The following UFL1 variants were observed in gnomAD, a reference collection of about 807,000 sequenced individuals.
UFL1 encodes UFM1 specific ligase 1.
In UFL1, 78 loss-of-function variants were observed where a neutral mutation model predicts 99.3. That is an observed-to-expected ratio of 0.79 (90% confidence interval 0.65 to 0.95). UFL1 has a LOEUF of 0.95. Among genes scored for constraint, UFL1 ranks in the 40% least tolerant of loss-of-function variants. The pLI, the probability that UFL1 is intolerant of heterozygous loss-of-function variation, is 0.00. For synonymous variants in UFL1, 335 were observed against 322.2 expected, an observed-to-expected ratio of 1.04 and a Z score of -0.42; for missense variants, 936 against 937.0, an observed-to-expected ratio of 1.00 and a Z score of 0.01.
Position 96,531,558 on chromosome 6 carries a change from C to G in UFL1, c.597-2705C>G, listed in dbSNP as rs996441635. On this transcript the variant is annotated intron_variant, in intron 6 of 18. Transcript: ENST00000369278. Reference sequence around the variant, plus strand: ...CTCTGACAGTCTGTGCCACATCACCCTCCTAACACAAGAAATGGGTGGTTG... The same window carrying G: ...CTCTGACAGTCTGTGCCACATCACCGTCCTAACACAAGAAATGGGTGGTTG... 1.2e-4 allele frequency among the ~76,000 whole-genome samples: 18 copies of G among 152,282 alleles called. 1 individual carries two copies. The highest frequency in any genetic ancestry group is 4.3e-4 in the African/African-American group (18 of 41,562).
intron 1 of UFL1, 75 bp downstream of exon 1, chr6:96,522,025 A>G: frequency 6.7e-7 from 1 of 1,486,028 alleles, no homozygotes. Context: ...GGGACTTTAG[A>G]CCCGCGGCCC....
At chr6:96,534,709 GAGC>G (rs1347548622) in intron 7 of UFL1, among the ~76,000 whole-genome samples, 3 of 151,698 alleles carry the variant, frequency 2.0e-5, no homozygotes, top group Non-Finnish European at 4.4e-5. Context: ...TTTTTACCAA[GAGC>G]TGATAGCAAT....
intron 11 of UFL1, among the ~76,000 whole-genome samples, chr6:96,542,613 GA>G (rs914798322): frequency 6.6e-6 from 1 of 151,110 alleles, no homozygotes; most frequent in African/African-American, 2.4e-5. Flanking sequence ...AGAGTTACAG[GA>G]AAGAGGTGAC....
intron 10 of UFL1, among the ~76,000 whole-genome samples, chr6:96,539,830 CA>C (rs1358616913): frequency 4.0e-5 from 6 of 151,492 alleles, no homozygotes; most frequent in African/African-American, 1.4e-4. Context: ...CCTCTAACCA[CA>C]AAAATAAATT....
In UFL1 at chr6:96,555,202, T is replaced by A. The variant is rs2127954479; in HGVS notation, c.*1699T>A. 1 of 152,242 alleles carries A rather than the reference T, an allele frequency of 6.6e-6. No homozygotes were observed. The allele number at this position is 152,242 out of a possible 1,614,324, so 9.4% of individuals were successfully genotyped here. A position where few individuals can be genotyped will look rare whatever the true frequency, so the allele number is the denominator to read the frequency against. ...AAAGATTAATTTCCATAATAAAAAT[T>A]ATTGTATGTTTACTGTGATCTTAAT... On this transcript the variant is annotated 3_prime_UTR_variant, in exon 19 of 19. Coordinates refer to ENST00000369278, the MANE Select transcript of UFL1 (RefSeq NM_015323.5).
At chr6:96,534,738 T>G (rs1253560506) in intron 7 of UFL1, among the ~76,000 whole-genome samples, 4 of 151,912 alleles carry the variant, frequency 2.6e-5, no homozygotes, top group Non-Finnish European at 5.9e-5. Flanking sequence ...TATATTCTTA[T>G]CATTCAAACA....
intron 3 of UFL1, 97 bp from the exon 4 acceptor site, chr6:96,525,200 C>A: frequency 3.1e-6 from 3 of 957,096 alleles, no homozygotes; most frequent in Non-Finnish European, 4.6e-6. Flanking sequence ...CCATGCCTGG[C>A]CGGCAATTTC....
intron 2 of UFL1, among the ~76,000 whole-genome samples, chr6:96,523,783 G>T (rs897132741): frequency 1.3e-5 from 2 of 152,068 alleles, no homozygotes; most frequent in African/African-American, 4.8e-5. Context: ...CACAAAGTTG[G>T]TTTCCTTTGT....
At chr6:96,522,090 C>G in intron 1 of UFL1, 140 bp downstream of exon 1, 2 of 1,042,070 alleles carry the variant, frequency 1.9e-6, no homozygotes, top group Non-Finnish European at 2.7e-6. Context: ...CCCTCTGTCC[C>G]GAGCCTGGAT....
At chr6:96,547,120 C>T (rs1161534754) in intron 12 of UFL1, among the ~76,000 whole-genome samples, 7 of 151,120 alleles carry the variant, frequency 4.6e-5, no homozygotes, top group African/African-American at 9.7e-5. Flanking sequence ...CTAGAGTCTA[C>T]GAAGAACTCA....
At position 96,521,901 on chromosome 6, in the gene UFL1, C is replaced by A. The variant is rs1413149888; in HGVS notation, c.28C>A (p.Arg10=). 6.2e-7 allele frequency: 1 copy of A among 1,612,538 alleles called. No homozygotes were observed. The highest frequency in any genetic ancestry group is 1.7e-5 in the Admixed American group (1 of 59,948). ...GGCGGACGCCTGGGAAGAGATTAGG[C>A]GGTTGGCGGCCGACTTCCAGCGGGC... MADAWEEIR[R]LAADFQRAQF... Residue 10 remains arginine (R), a synonymous_variant, in exon 1 of 19, where the codon CGG becomes AGG. Transcript: ENST00000369278.
rs758970606 is a variant in UFL1 at position 96,523,223 on chromosome 6, A to G, written c.155A>G (p.Asp52Gly). ...QKQLEVVHTL[D>G]GKEYITPAQI... ...CAGCTAGAAGTAGTTCATACACTCG[A>G]TGGAAAGGAATATATTACTCCAGCC... is the stretch of plus-strand genomic sequence containing the variant. The change falls in exon 2 of 19, where the codon GAT becomes GGT. Residue 52 changes from aspartate to glycine, a missense_variant. Asp to Gly is a moderately conservative substitution (Grantham distance 94). Coordinates refer to ENST00000369278, the MANE Select transcript of UFL1 (RefSeq NM_015323.5). 1 of 1,613,510 alleles carries G rather than the reference A, an allele frequency of 6.2e-7. No individual in the cohort carries two copies. The highest frequency in any genetic ancestry group is 2.2e-5 in the East Asian group (1 of 44,842).
chr6:96,550,606 G>A (rs1562257344), intron 15 of UFL1, among the ~76,000 whole-genome samples: 1 of 151,906 alleles, frequency 6.6e-6, no homozygotes, highest in Non-Finnish European at 1.5e-5. Context: ...TCACAGTAAG[G>A]ACCATCCCTC....
At chr6:96,530,646 T>C (rs982827428) in intron 6 of UFL1, among the ~76,000 whole-genome samples, 1 of 152,200 alleles carries the variant, frequency 6.6e-6, no homozygotes, top group Non-Finnish European at 1.5e-5. Flanking sequence ...TAGCTAGTGG[T>C]AGCGCCTGCA....
intron 1 of UFL1, among the ~76,000 whole-genome samples, chr6:96,522,580 G>A (rs903650309): frequency 6.6e-6 from 1 of 152,080 alleles, no homozygotes; most frequent in Non-Finnish European, 1.5e-5. Context: ...TACCTGCGAT[G>A]TTTTATTCCT....
chr6:96,537,316 T>G (rs2127951101), intron 8 of UFL1, 58 bp from the exon 9 acceptor site: 2 of 1,438,168 alleles, frequency 1.4e-6, no homozygotes, highest in Middle Eastern at 3.7e-4. Flanking sequence ...TCTTTATTTT[T>G]CACTTTTGTC....
intron 13 of UFL1, 75 bp from the exon 14 acceptor site, chr6:96,549,337 A>G (rs547764605): frequency 1.5e-5 from 18 of 1,221,008 alleles, no homozygotes; most frequent in African/African-American, 4.8e-5. Flanking sequence ...CCTTATTTCC[A>G]TAGAAACAAA....
In UFL1 at chr6:96,523,157, G is replaced by A. The variant is rs373192906; in HGVS notation, c.89G>A (p.Arg30Gln). Residue 30 changes from arginine to glutamine, a missense_variant, in exon 2 of 19, where the codon CGG becomes CAG. Physicochemically the swap from Arg to Gln is conservative, Grantham distance 43. Transcript: ENST00000369278. ...TTTCTTTCCCTCAGGTTGTCCGAGC[G>A]GAACTGCATTGAGATTGTTAATAAA... ...FAEATQRLSE[R>Q]NCIEIVNKLI... 1.0e-5 allele frequency: 16 copies of A among 1,604,264 alleles called. No homozygotes were observed. The highest frequency in any genetic ancestry group is 1.7e-4 in the Middle Eastern group (1 of 6,036).
chr6:96,522,154 G>T (rs1283910784), intron 1 of UFL1, among the ~76,000 whole-genome samples: 1 of 152,160 alleles, frequency 6.6e-6, no homozygotes, highest in Non-Finnish European at 1.5e-5. Flanking sequence ...GGACGCCCTG[G>T]AGCCCCCCAG....
Sources: allele counts gnomAD v4.1 joint callset (sites outside exome capture counted in the v4.1 genomes callset), GRCh38; gene constraint gnomAD v4.1.1; transcripts MANE v1.5; gene names NCBI Gene and HGNC (gene_info 2026-07-23, HGNC 2026-07-21).